Variants in ABCD3 observed in about 807,000 individuals in gnomAD.
ABCD3 encodes the protein ATP-binding cassette sub-family D member 3.
A neutral mutation model predicts 105.5 loss-of-function variants in ABCD3; 41 were observed. That is an observed-to-expected ratio of 0.39 (90% CI 0.30 to 0.50). The LOEUF (loss-of-function observed/expected upper bound fraction) is 0.50. ABCD3 is among the 20% of genes least tolerant of loss of function. The probability of loss-of-function intolerance (pLI) is 0.84; values close to 1 mark genes in which losing one functional copy is unlikely to be tolerated. For missense variants in ABCD3, 622 were observed against 806.3 expected (o/e 0.77, Z 2.77); for synonymous variants, 258 against 269.0 (o/e 0.96, Z 0.40).
chr1:94,407,307 T>G, the ABCD3 span, among the ~76,000 whole-genome samples: 1 of 152,002 alleles, frequency 6.6e-6, no homozygotes, highest in Admixed American at 6.6e-5. Flanking sequence ...TGCACCACCA[T>G]GCCCGGCTAA....
the ABCD3 span, among the ~76,000 whole-genome samples, chr1:94,394,448 C>T: frequency 6.6e-6 from 1 of 152,156 alleles, no homozygotes; most frequent in African/African-American, 2.4e-5. Context: ...ATCTGCATAC[C>T]AGGTGCCAGA....
rs186572618 is a variant in ABCD3, at chr1:94,489,394, G to A, written c.1158-331G>A. 2.3e-4 allele frequency among the ~76,000 whole-genome samples: 35 copies of A among 152,084 alleles called. No homozygotes were observed. In the East Asian group the frequency reaches 6.0e-3, roughly 26 times the overall value. On this transcript the variant is annotated intron_variant, in intron 13 of 22. Coordinates refer to ENST00000370214, the MANE Select transcript of ABCD3 (RefSeq NM_002858.4). ...AGAGATCAGAGTCCATACTTCCTGG[G>A]TCTAAGGAATATACTAGTAGTGGTC... is the stretch of plus-strand genomic sequence containing the variant.
At chr1:94,506,258 A>G (rs1650343452) in intron 20 of ABCD3, among the ~76,000 whole-genome samples, 1 of 152,130 alleles carries the variant, frequency 6.6e-6, no homozygotes, top group Admixed American at 6.6e-5. Flanking sequence ...TTTCTTTAAT[A>G]CTAGTTTGAA....
In ABCD3 at chr1:94,453,323, CTTTTTTTTT is replaced by C. The variant is rs766404829; in HGVS notation, c.111-5277_111-5269del. 6.6e-5 allele frequency among the ~76,000 whole-genome samples: 9 copies of C among 135,462 alleles called. No individual in the cohort carries two copies. In the East Asian group the frequency reaches 1.9e-3, roughly 29 times the overall value. 88.9% of individuals were successfully genotyped at this position (135,462 alleles called of 152,430 possible). A position where few individuals can be genotyped will look rare whatever the true frequency, so the allele number is the denominator to read the frequency against. On this transcript the variant is annotated intron_variant, in intron 1 of 22. Coordinates refer to ENST00000370214, the MANE Select transcript of ABCD3 (RefSeq NM_002858.4). Reference sequence around the variant, plus strand: ...GCTAGGTTTGGAAAATTATATTTTTCTTTTTTTTTTTTTTTGAGATGGAGTCTCGCTGTC... The same window carrying C: ...GCTAGGTTTGGAAAATTATATTTTTCTTTTTTGAGATGGAGTCTCGCTGTC...
chr1:94,515,323 A>G (rs917593904), intron 22 of ABCD3, 121 bp downstream of exon 22: 3 of 806,444 alleles, frequency 3.7e-6, no homozygotes, highest in Non-Finnish European at 6.0e-6. Flanking sequence ...CTTAAGGAGA[A>G]AAGGTGGTTT....
At position 94,487,942 on chromosome 1, in the gene ABCD3, T is replaced by C; in HGVS notation, c.1116T>C (p.Gly372=). The C allele has an allele frequency of 2.5e-6, 4 of 1,613,834 alleles. No homozygotes were observed. The highest frequency in any genetic ancestry group is 3.4e-6 in the Non-Finnish European group (4 of 1,179,838). Residue 372 remains glycine, a synonymous_variant, in exon 13 of 23, where the codon GGT becomes GGC. Transcript: ENST00000370214. ...TTTTGCGAATGTCTCAAGCTCTGGGTCGAATAGTTTTGGCTGGGCGTGAAA... is the reference window on the plus strand; with the variant it reads ...TTTTGCGAATGTCTCAAGCTCTGGGCCGAATAGTTTTGGCTGGGCGTGAAA... ...RMLLRMSQAL[G]RIVLAGREMT...
intron 3 of ABCD3, 117 bp downstream of exon 3, chr1:94,464,990 A>G (rs1648069539): frequency 9.0e-6 from 8 of 887,484 alleles, no homozygotes; most frequent in Non-Finnish European, 1.5e-5. Context: ...TGCAGGCTGT[A>G]CAAGCATGGC....
At position 94,467,948 on chromosome 1, in the gene ABCD3, G is replaced by A. The variant is rs905583862; in HGVS notation, c.276G>A (p.Met92Ile). Residue 92 changes from methionine (M) to isoleucine (I), a missense_variant, in exon 4 of 23, where the codon ATG (methionine) becomes ATA (isoleucine). By Grantham distance (10) the Met-to-Ile change is conservative. Around this residue, in one of 4 missense-constraint regions of ABCD3, gnomAD observed 245 missense variants for 356.4 expected, o/e 0.69. Coordinates refer to ENST00000370214, the MANE Select transcript of ABCD3 (RefSeq NM_002858.4). Reference sequence around the variant, plus strand: ...GTTACTTGGTACTTATTGCTGTTATGCTGGTGTCTCGAACATATTGTGATG... The same window carrying A: ...GTTACTTGGTACTTATTGCTGTTATACTGGTGTCTCGAACATATTGTGATG... ...ETGYLVLIAV[M>I]LVSRTYCDVW... 2 of 1,613,376 alleles carry A rather than the reference G, an allele frequency of 1.2e-6. No homozygotes were observed. Among genetic ancestry groups the A allele is most frequent in the Non-Finnish European group, 1.7e-6 (2 of 1,179,572 alleles).
chr1:94,444,543 TA>T (rs1439857435), intron 1 of ABCD3, among the ~76,000 whole-genome samples: 1 of 152,216 alleles, frequency 6.6e-6, no homozygotes. Context: ...TTTAAGGTTA[TA>T]AAGTTCTTTG....
At position 94,473,780 on chromosome 1, in the gene ABCD3, G is replaced by A. The variant is rs1170362881; in HGVS notation, c.350G>A (p.Arg117His). 2.0e-5 allele frequency: 33 copies of A among 1,612,412 alleles called. No homozygotes were observed. The highest frequency in any genetic ancestry group is 2.4e-5 in the Non-Finnish European group (28 of 1,179,200). ...GTLIESGIIG[R>H]SRKDFKRYLL... ...GTGGTTTGCAGTGGTATCATTGGTC[G>A]TAGCAGGAAAGATTTCAAGAGATAC... is the stretch of plus-strand genomic sequence containing the variant. The change falls in exon 5 of 23, where the codon CGT becomes CAT. Residue 117 changes from arginine (R) to histidine (H), a missense_variant. Arg to His is a conservative substitution (Grantham distance 29, BLOSUM62 0). Coordinates refer to ENST00000370214, the MANE Select transcript of ABCD3 (RefSeq NM_002858.4).
chr1:94,434,625 T>C (rs1259137159), intron 1 of ABCD3, among the ~76,000 whole-genome samples: 1 of 152,222 alleles, frequency 6.6e-6, no homozygotes, highest in African/African-American at 2.4e-5. Context: ...CATTTTTCAC[T>C]GAAATGTTAT....
chr1:94,443,309 G>T (rs887942703), intron 1 of ABCD3, among the ~76,000 whole-genome samples: 3 of 152,012 alleles, frequency 2.0e-5, no homozygotes, highest in African/African-American at 4.8e-5. Flanking sequence ...TTTTAATAGG[G>T]TTACTTGTTT....
At chr1:94,429,611 G>A (rs1467772728) in intron 1 of ABCD3, among the ~76,000 whole-genome samples, 1 of 152,210 alleles carries the variant, frequency 6.6e-6, no homozygotes, top group Non-Finnish European at 1.5e-5. Context: ...GGCTTCAGAG[G>A]GTGTAAGCCC....
chr1:94,456,193 G>T (rs1422597525), intron 1 of ABCD3, among the ~76,000 whole-genome samples: 1 of 148,850 alleles, frequency 6.7e-6, no homozygotes, highest in Non-Finnish European at 1.5e-5. Context: ...GTCTTTTTGG[G>T]CCTGGCTTAT....
At chr1:94,395,415 A>T in the ABCD3 span, among the ~76,000 whole-genome samples, 2 of 152,220 alleles carry the variant, frequency 1.3e-5, no homozygotes, top group Non-Finnish European at 2.9e-5. Flanking sequence ...GGAGAGAGAG[A>T]GATTACTGAA....
chr1:94,423,858 A>G (rs2050648), intron 1 of ABCD3, among the ~76,000 whole-genome samples: 54,737 of 151,958 alleles, frequency 0.36, 11,415 homozygotes, highest in Middle Eastern at 0.55. Context: ...TGCAAACTTC[A>G]AAATTCAGCT....
chr1:94,438,112 C>T (rs1330876804), intron 1 of ABCD3, among the ~76,000 whole-genome samples: 4 of 151,946 alleles, frequency 2.6e-5, no homozygotes, highest in Admixed American at 2.6e-4. Context: ...CATGGTGAAA[C>T]CCCATCTCTA....
intron 21 of ABCD3, 34 bp downstream of exon 21, chr1:94,506,676 G>T: frequency 6.8e-7 from 1 of 1,468,940 alleles, no homozygotes; most frequent in South Asian, 1.1e-5. Flanking sequence ...GAGGAGCCAT[G>T]GCCTCCTACC....
chr1:94,460,573 A>G (rs1167054241), intron 2 of ABCD3, among the ~76,000 whole-genome samples: 1 of 152,158 alleles, frequency 6.6e-6, no homozygotes, highest in South Asian at 2.1e-4. Flanking sequence ...TACATTCTGC[A>G]TATCAGCTAG....
Sources: gnomAD v4.1 joint callset for allele counts (sites outside exome capture counted in the v4.1 genomes callset) on GRCh38, gnomAD v4.1.1 for gene constraint, gnomAD v4.1.1 regional missense constraint, MANE v1.5 for transcripts, NCBI Gene and HGNC (gene_info 2026-07-23, HGNC 2026-07-21) for gene names.